The following EXOC5 variants were observed in gnomAD, a reference collection of about 807,000 sequenced individuals.
EXOC5 encodes SEC10-like 1.
A neutral mutation model predicts 90.8 loss-of-function variants in EXOC5; 17 were observed. The ratio of observed to expected loss-of-function variants is 0.19; its 90% CI spans 0.13 to 0.28. The LOEUF (loss-of-function observed/expected upper bound fraction) is 0.28, where lower values mean the gene tolerates loss of function less well. EXOC5 is among the 10% of genes least tolerant of loss of function. The probability of loss-of-function intolerance (pLI) is 1.00; values close to 1 mark genes in which losing one functional copy is unlikely to be tolerated. For synonymous variants in EXOC5, 260 were observed against 270.0 expected (o/e 0.96, Z 0.36); for missense variants, 569 against 830.6 (o/e 0.69, Z 3.87).
In EXOC5 at chr14:57,261,559, C is replaced by T. The variant is rs529817933; in HGVS notation, c.27+7063G>A. On this transcript the variant is annotated intron_variant, in intron 1 of 17. Coordinates refer to ENST00000621441, the MANE Select transcript of EXOC5 (RefSeq NM_006544.4). Reference sequence around the variant, plus strand: ...ATCTTGGTGCAGGTAAGAAATTGATCGGCCTCTGTTACAGTTATCTATTGC... The same window carrying T: ...ATCTTGGTGCAGGTAAGAAATTGATTGGCCTCTGTTACAGTTATCTATTGC... Among the ~76,000 whole-genome samples, 8 of 152,350 alleles carry T rather than the reference C, an allele frequency of 5.3e-5. No homozygotes were observed. The East Asian group carries it at 9.6e-4, about 18-fold the overall frequency.
intron 15 of EXOC5, among the ~76,000 whole-genome samples, chr14:57,214,161 C>CAAGACAGAAA (rs1882906776): frequency 6.6e-6 from 1 of 152,074 alleles, no homozygotes; most frequent in African/African-American, 2.4e-5. Flanking sequence ...CTACCATTGG[C>CAAGACAGAAA]ATGTCCAGCC....
At position 57,259,411 on chromosome 14, in the gene EXOC5, T is replaced by C. The variant is rs1333010085; in HGVS notation, c.27+9211A>G. Among the ~76,000 whole-genome samples the C allele has an allele frequency of 2.0e-5, 3 of 152,186 alleles. No homozygotes were observed. The East Asian group carries it at 5.8e-4, about 29-fold the overall frequency. ...ACCACATGCAGCCAAGTTCACACTCTTATATCTACCCTTTAGGGTTCTTAT... is the reference window on the plus strand; with the variant it reads ...ACCACATGCAGCCAAGTTCACACTCCTATATCTACCCTTTAGGGTTCTTAT... On this transcript the variant is annotated intron_variant, in intron 1 of 17. Transcript: ENST00000621441.
chr14:57,257,783 A>G (rs1884394738), intron 1 of EXOC5, among the ~76,000 whole-genome samples: 1 of 152,202 alleles, frequency 6.6e-6, no homozygotes, highest in Non-Finnish European at 1.5e-5. Context: ...AGGCGCTTAC[A>G]GTGACAAAAA....
chr14:57,262,578 G>GTA (rs988481938), intron 1 of EXOC5, among the ~76,000 whole-genome samples: 23 of 141,046 alleles, frequency 1.6e-4, no homozygotes, highest in Non-Finnish European at 1.7e-4. Context: ...ATATATATAC[G>GTA]TATATATATA....
intron 4 of EXOC5, among the ~76,000 whole-genome samples, chr14:57,242,277 G>A (rs539945364): frequency 6.6e-6 from 1 of 151,740 alleles, no homozygotes; most frequent in Non-Finnish European, 1.5e-5. Context: ...GACAGGGTCT[G>A]TCTGTCACCC....
chr14:57,212,088 C>G (rs1017829968), intron 15 of EXOC5, among the ~76,000 whole-genome samples: 1 of 152,150 alleles, frequency 6.6e-6, no homozygotes, highest in Non-Finnish European at 1.5e-5. Flanking sequence ...TGGTCCCAAA[C>G]TCCCGGGCTC....
intron 1 of EXOC5, among the ~76,000 whole-genome samples, chr14:57,254,716 C>A (rs536336222): frequency 6.3e-4 from 96 of 152,184 alleles, no homozygotes; most frequent in East Asian, 4.6e-3. Flanking sequence ...TAGATGAGGT[C>A]ACAAGGTACA....
chr14:57,267,568 C>T (rs903018066), intron 1 of EXOC5, among the ~76,000 whole-genome samples: 1 of 152,176 alleles, frequency 6.6e-6, no homozygotes, highest in African/African-American at 2.4e-5. Context: ...ACTTTTGTTA[C>T]TCAATGTGAA....
chr14:57,218,505 T>G (rs533527995), intron 14 of EXOC5, among the ~76,000 whole-genome samples: 4 of 152,068 alleles, frequency 2.6e-5, no homozygotes, highest in Non-Finnish European at 5.9e-5. Flanking sequence ...GCCAATCCAG[T>G]TGTACTTTTA....
chr14:57,231,443 C>A, intron 11 of EXOC5, 63 bp downstream of exon 11: 2 of 1,109,076 alleles, frequency 1.8e-6, no homozygotes, highest in Non-Finnish European at 2.6e-6. Context: ...GATAATTTGC[C>A]CAAATATAAT....
chr14:57,212,495 A>G (rs1176522252), intron 15 of EXOC5, among the ~76,000 whole-genome samples: 20 of 152,214 alleles, frequency 1.3e-4, no homozygotes, highest in Admixed American at 1.3e-3. Context: ...CTGCTGCATT[A>G]GCACACTCTA....
At chr14:57,268,371 C>T in intron 1 of EXOC5, 1 of 1,039,372 alleles carries the variant, frequency 9.6e-7, no homozygotes, top group Non-Finnish European at 1.3e-6. Context: ...AAAAGCAACC[C>T]TCCTCCCTTG....
rs1882538364 is a variant in EXOC5, at chr14:57,202,549, T to A, written c.*6060A>T. 6.6e-6 allele frequency: 1 copy of A among 152,154 alleles called. No homozygotes were observed. The highest frequency in any genetic ancestry group is 1.5e-5 in the Non-Finnish European group (1 of 68,020). 9.4% of individuals were successfully genotyped at this position (152,154 alleles called of 1,614,324 possible). On this transcript the variant is annotated 3_prime_UTR_variant, in exon 18 of 18. Coordinates refer to ENST00000621441, the MANE Select transcript of EXOC5 (RefSeq NM_006544.4). ...CTGTTAAGTCTGATTGTTTCAAAAATTTTTCTTTAAAAAGCAGAATGTAGA... is the reference window on the plus strand; with the variant it reads ...CTGTTAAGTCTGATTGTTTCAAAAAATTTTCTTTAAAAAGCAGAATGTAGA...
At chr14:57,214,530 C>G (rs1882919429) in intron 15 of EXOC5, among the ~76,000 whole-genome samples, 1 of 152,052 alleles carries the variant, frequency 6.6e-6, no homozygotes, top group Non-Finnish European at 1.5e-5. Context: ...CAGGTAGGAG[C>G]AACACTGAGT....
Position 57,229,502 on chromosome 14 carries a change from G to C in EXOC5, c.1296+232C>G, listed in dbSNP as rs142336972. On this transcript the variant is annotated intron_variant, in intron 12 of 17. Coordinates refer to ENST00000621441, the MANE Select transcript of EXOC5 (RefSeq NM_006544.4). ...AACACTAAAGTTACAACTATTTACA[G>C]AGATTTACGTTGCACTAGGTAATGT... Among the ~76,000 whole-genome samples the C allele has an allele frequency of 2.6e-5, 4 of 152,100 alleles. 1 individual carries two copies. In the South Asian group the frequency reaches 8.3e-4, roughly 31 times the overall value.
At position 57,231,530 on chromosome 14, in the gene EXOC5, T is replaced by C; in HGVS notation, c.1124A>G (p.Gln375Arg). Residue 375 changes from glutamine (Q) to arginine (R), a missense_variant, in exon 11 of 18, where the codon CAA (glutamine) becomes CGA (arginine). Coordinates refer to ENST00000621441, the MANE Select transcript of EXOC5 (RefSeq NM_006544.4). ...LQRYYDSKNHQKRSIGTGGIQ... is the reference protein window; with the variant it reads ...LQRYYDSKNHRKRSIGTGGIQ... ...CCCTCCTGTGCCAATGGATCTCTTT[T>C]GATGGTTTTTCGAATCATAATAGCG... 1 of 1,611,164 alleles carries C rather than the reference T, an allele frequency of 6.2e-7. No homozygotes were observed.
At chr14:57,213,225 A>T (rs531018680) in intron 15 of EXOC5, among the ~76,000 whole-genome samples, 1 of 149,558 alleles carries the variant, frequency 6.7e-6, no homozygotes, top group South Asian at 2.1e-4. Context: ...TCTACATATA[A>T]AAAAAAAATG....
chr14:57,222,548 A>G, intron 12 of EXOC5, 132 bp from the exon 13 acceptor site: 1 of 511,690 alleles, frequency 2.0e-6, no homozygotes, highest in African/African-American at 2.0e-5. Context: ...AGCTCCCCCC[A>G]TACTGCGTGT....
intron 1 of EXOC5, among the ~76,000 whole-genome samples, chr14:57,250,015 G>A (rs563705856): frequency 4.4e-4 from 67 of 152,046 alleles, no homozygotes; most frequent in African/African-American, 1.4e-3. Context: ...CAGATGATCC[G>A]CCCGCCTCAG....
Sources: gnomAD v4.1 joint callset for allele counts (sites outside exome capture counted in the v4.1 genomes callset) on GRCh38, gnomAD v4.1.1 for gene constraint, MANE v1.5 for transcripts, NCBI Gene and HGNC (gene_info 2026-07-23, HGNC 2026-07-21) for gene names.